METRNL: variants seen among roughly 807,000 people sequenced by gnomAD.
METRNL encodes the protein meteorin-like protein.
Under a neutral mutation model 17.4 loss-of-function variants are expected in METRNL, and 9 were observed. The ratio of observed to expected loss-of-function variants is 0.52; its 90% CI spans 0.31 to 0.90. The LOEUF is 0.90. METRNL is among the 40% of genes least tolerant of loss of function. The probability of loss-of-function intolerance (pLI) is 0.05; values close to 1 mark genes in which losing one functional copy is unlikely to be tolerated. For synonymous variants in METRNL, 215 were observed against 199.3 expected, an observed-to-expected ratio of 1.08 and a Z score of -0.66; for missense variants, 408 against 430.7, an observed-to-expected ratio of 0.95 and a Z score of 0.47.
intron 1 of METRNL, among the ~76,000 whole-genome samples, chr17:83,080,399 G>T (rs1475626232): frequency 6.6e-6 from 1 of 150,716 alleles, no homozygotes; most frequent in Admixed American, 6.6e-5. Context: ...GGGAGGGAGC[G>T]GCGGTTTCGG....
chr17:83,087,707 C>T (rs551061710), intron 2 of METRNL, among the ~76,000 whole-genome samples: 1 of 152,270 alleles, frequency 6.6e-6, no homozygotes, highest in South Asian at 2.1e-4. Context: ...GTTTCCCTTG[C>T]CTCCCGTTCC....
intron 1 of METRNL, among the ~76,000 whole-genome samples, chr17:83,080,424 C>T (rs961664058): frequency 6.6e-6 from 1 of 150,402 alleles, no homozygotes; most frequent in Non-Finnish European, 1.5e-5. Flanking sequence ...CGGGCGCGGA[C>T]CGCAGCGGGG....
Position 83,079,619 on chromosome 17 carries a change from C to T in METRNL, c.-197C>T, listed in dbSNP as rs1010556243. The T allele has an allele frequency of 2.0e-5, 3 of 148,948 alleles. No individual in the cohort carries two copies. The highest frequency in any genetic ancestry group is 2.9e-5 in the Non-Finnish European group (2 of 67,874). The allele number at this position is 148,948 out of a possible 1,614,324, so 9.2% of individuals were successfully genotyped here. A position where few individuals can be genotyped will look rare whatever the true frequency, so the allele number is the denominator to read the frequency against. The stretch of plus-strand genomic sequence containing the variant: ...GGACTCGCCAACTTCAGAGGCTCGG[C>T]GGCGGCGGCGGGCGCGGAGCTCTGC... On this transcript the variant is annotated 5_prime_UTR_variant, in exon 1 of 4. Coordinates refer to ENST00000320095, the MANE Select transcript of METRNL (RefSeq NM_001004431.3).
intron 2 of METRNL, among the ~76,000 whole-genome samples, chr17:83,088,860 T>C (rs2038082863): frequency 6.6e-6 from 1 of 152,160 alleles, no homozygotes; most frequent in South Asian, 2.1e-4. Context: ...GTGTGGAAGA[T>C]AATTCTCATT....
intron 2 of METRNL, among the ~76,000 whole-genome samples, chr17:83,091,935 C>T (rs912651092): frequency 9.2e-5 from 14 of 152,198 alleles, no homozygotes; most frequent in Admixed American, 5.9e-4. Flanking sequence ...CAAGTCCGTC[C>T]CGAGTGTAGG....
intron 1 of METRNL, chr17:83,084,323 C>T (rs1030629478): frequency 2.1e-4 from 32 of 152,508 alleles, no homozygotes; most frequent in African/African-American, 7.7e-4. Flanking sequence ...TCCCCCCAAA[C>T]TGCCAACACT....
chr17:83,080,178 C>T (rs1420522494), intron 1 of METRNL, 193 bp downstream of exon 1: 1 of 186,412 alleles, frequency 5.4e-6, no homozygotes, highest in Non-Finnish European at 1.0e-5. Context: ...CGCGGCGTCC[C>T]GGTTCCCGGC....
chr17:83,080,099 C>A (rs2037965147), intron 1 of METRNL, 114 bp downstream of exon 1: 1 of 496,414 alleles, frequency 2.0e-6, no homozygotes. Flanking sequence ...GCAGGGGCTC[C>A]GGGGGCCGCT....
chr17:83,082,858 G>A (rs180722297), intron 1 of METRNL, among the ~76,000 whole-genome samples: 45 of 152,308 alleles, frequency 3.0e-4, no homozygotes, highest in Non-Finnish European at 4.9e-4. Context: ...CGGGTCTTGC[G>A]CATCATGTGC....
intron 2 of METRNL, among the ~76,000 whole-genome samples, chr17:83,087,397 C>G: frequency 6.6e-6 from 1 of 152,104 alleles, no homozygotes; most frequent in East Asian, 1.9e-4. Flanking sequence ...CTGGGACCCA[C>G]GCCTGGCATC....
chr17:83,085,673 C>T (rs1022868901), intron 2 of METRNL, among the ~76,000 whole-genome samples: 3 of 152,178 alleles, frequency 2.0e-5, no homozygotes, highest in South Asian at 4.1e-4. Flanking sequence ...CTTGGCCGAG[C>T]GGGGCCTCTC....
At chr17:83,092,549 GGCGCC>G (rs2038151431) in intron 2 of METRNL, 1 of 136,446 alleles carries the variant, frequency 7.3e-6, no homozygotes, top group Admixed American at 7.2e-5. Context: ...GGGTGCTCCT[GGCGCC>G]GTGGGCTGTG....
At chr17:83,084,093 G>C (rs1276178399) in intron 1 of METRNL, 1 of 152,186 alleles carries the variant, frequency 6.6e-6, no homozygotes, top group Non-Finnish European at 1.5e-5. Flanking sequence ...CATGTATGAG[G>C]GTGAACTTAG....
At chr17:83,089,998 G>C (rs545699506) in intron 2 of METRNL, among the ~76,000 whole-genome samples, 1 of 151,956 alleles carries the variant, frequency 6.6e-6, no homozygotes, top group Non-Finnish European at 1.5e-5. Context: ...CCTCCCCCTC[G>C]GCCGTCCGCT....
In METRNL at chr17:83,093,222, C is replaced by T; in HGVS notation, c.612C>T (p.Asp204=). 1 of 1,607,856 alleles carries T rather than the reference C, an allele frequency of 6.2e-7. No homozygotes were observed. Among genetic ancestry groups the T allele is most frequent in the Non-Finnish European group, 8.5e-7 (1 of 1,179,668 alleles). Residue 204 remains aspartate, a synonymous_variant, in exon 3 of 4, where the codon GAC becomes GAT. Transcript: ENST00000320095. The part of the protein sequence containing the change: ...TEVLLAVCTS[D]FAVRGSIQQV... ...TGCTCCTAGCCGTCTGCACCAGCGA[C>T]TTCGGTGAGTGTCTCCTCGGCAGCT... is the stretch of plus-strand genomic sequence containing the variant.
At chr17:83,086,255 C>T (rs1486289757) in intron 2 of METRNL, among the ~76,000 whole-genome samples, 1 of 152,228 alleles carries the variant, frequency 6.6e-6, no homozygotes, top group East Asian at 1.9e-4. Flanking sequence ...TCATCTCTCT[C>T]TGAAATCTCT....
rs2038174943 is a variant in METRNL, at chr17:83,094,275, G to A, written c.636G>A (p.Gln212=). 1.3e-6 allele frequency: 2 copies of A among 1,579,990 alleles called. No individual in the cohort carries two copies. Among genetic ancestry groups the A allele is most frequent in the East Asian group, 4.5e-5 (2 of 43,992 alleles). The change falls in exon 4 of 4, where the codon CAG becomes CAA. Residue 212 remains glutamine, a synonymous_variant. Transcript: ENST00000320095. ...GCACAGCCGTTCGAGGCTCCATCCA[G>A]CAAGTTACCCACGAGCCTGAGCGGC... ...TSDFAVRGSI[Q]QVTHEPERQD... is the part of the protein sequence containing the mutation.
At chr17:83,089,766 A>C (rs1600490520) in intron 2 of METRNL, among the ~76,000 whole-genome samples, 1 of 152,090 alleles carries the variant, frequency 6.6e-6, no homozygotes, top group East Asian at 1.9e-4. Flanking sequence ...ACCGGCGTCC[A>C]CCCTGCATTC....
At chr17:83,083,007 C>T (rs1014153550) in intron 1 of METRNL, among the ~76,000 whole-genome samples, 6 of 152,372 alleles carry the variant, frequency 3.9e-5, no homozygotes, top group African/African-American at 9.6e-5. Flanking sequence ...GCTGAGAAGA[C>T]GTCAGGTGAA....
Sources: gnomAD v4.1 joint callset for allele counts (sites outside exome capture counted in the v4.1 genomes callset) on GRCh38, gnomAD v4.1.1 for gene constraint, MANE v1.5 for transcripts, NCBI Gene and HGNC (gene_info 2026-07-23, HGNC 2026-07-21) for gene names.